CTNNA3: variants seen among roughly 807,000 people sequenced by gnomAD.
CTNNA3 encodes catenin alpha 3.
A neutral mutation model predicts 95.7 loss-of-function variants in CTNNA3; 76 were observed. The observed-to-expected ratio is 0.79, with a 90% CI of 0.66 to 0.96. CTNNA3 has a LOEUF of 0.96. Among genes scored for constraint, CTNNA3 ranks in the 40% least tolerant of loss-of-function variants. The pLI, the probability that CTNNA3 is intolerant of heterozygous loss-of-function variation, is 0.00. For missense variants in CTNNA3, 1,191 were observed against 1,089.8 expected, an observed-to-expected ratio of 1.09 and a Z score of -1.31; for synonymous variants, 431 against 374.4, an observed-to-expected ratio of 1.15 and a Z score of -1.74.
chr10:67,329,419 T>TA (rs1338948272), intron 5 of CTNNA3, among the ~76,000 whole-genome samples: 3 of 152,178 alleles, frequency 2.0e-5, no homozygotes, highest in African/African-American at 4.8e-5. Context: ...GTAACATACT[T>TA]AAAGTACATT....
intron 5 of CTNNA3, among the ~76,000 whole-genome samples, chr10:67,389,585 C>A (rs1247085859): frequency 1.3e-5 from 2 of 150,492 alleles, no homozygotes; most frequent in Non-Finnish European, 3.0e-5. Flanking sequence ...GAACTCTCCA[C>A]CCCAAATCAA....
chr10:66,190,974 T>C (rs2086636106), intron 13 of CTNNA3, among the ~76,000 whole-genome samples: 1 of 152,108 alleles, frequency 6.6e-6, no homozygotes. Context: ...CTGAGGAAGA[T>C]GATCATTAAT....
intron 6 of CTNNA3, among the ~76,000 whole-genome samples, chr10:67,192,129 T>C (rs966797820): frequency 6.6e-6 from 1 of 151,998 alleles, no homozygotes; most frequent in Non-Finnish European, 1.5e-5. Context: ...ACTGTAAAAC[T>C]CCTAGAAGAA....
intron 5 of CTNNA3, among the ~76,000 whole-genome samples, chr10:67,321,098 C>A (rs1384670596): frequency 6.6e-6 from 1 of 152,172 alleles, no homozygotes; most frequent in Non-Finnish European, 1.5e-5. Flanking sequence ...TGTGGCCCAA[C>A]ACTAACTGCA....
At chr10:67,431,911 G>A (rs1846123059) in intron 5 of CTNNA3, among the ~76,000 whole-genome samples, 2 of 152,034 alleles carry the variant, frequency 1.3e-5, no homozygotes, top group Non-Finnish European at 2.9e-5. Context: ...CTCCTCCAGT[G>A]TTCGTATTCC....
chr10:66,702,013 G>A (rs1290404417), intron 9 of CTNNA3, among the ~76,000 whole-genome samples: 1 of 152,102 alleles, frequency 6.6e-6, no homozygotes, highest in Non-Finnish European at 1.5e-5. Flanking sequence ...TGAGCCATCT[G>A]TGGTTGTTTG....
Position 67,134,041 on chromosome 10 carries a change from C to G in CTNNA3, c.1047+46276G>C, listed in dbSNP as rs1005237704. Among the ~76,000 whole-genome samples, 29 of 151,950 alleles carry G rather than the reference C, an allele frequency of 1.9e-4. 1 individual carries two copies. The highest frequency in any genetic ancestry group is 7.0e-4 in the African/African-American group (29 of 41,380). On this transcript the variant is annotated intron_variant, in intron 7 of 17. Coordinates refer to ENST00000433211, the MANE Select transcript of CTNNA3 (RefSeq NM_013266.4). Reference sequence around the variant, plus strand: ...GTATGAGTCAAGTTACATGATTTGCCCAATGTTACACAGTTAGTCAGTAGC... The same window carrying G: ...GTATGAGTCAAGTTACATGATTTGCGCAATGTTACACAGTTAGTCAGTAGC...
intron 11 of CTNNA3, among the ~76,000 whole-genome samples, chr10:66,385,635 C>G (rs1007306805): frequency 2.6e-5 from 4 of 151,832 alleles, no homozygotes; most frequent in Non-Finnish European, 5.9e-5. Flanking sequence ...AGAGACACAA[C>G]AAAAAAAGAG....
intron 2 of CTNNA3, among the ~76,000 whole-genome samples, chr10:67,607,286 C>T (rs1376466417): frequency 2.6e-5 from 4 of 152,134 alleles, no homozygotes; most frequent in African/African-American, 9.7e-5. Context: ...TCAATTAACA[C>T]AGATTTTGTA....
chr10:65,931,574 A>G (rs1379509464), intron 17 of CTNNA3, among the ~76,000 whole-genome samples: 1 of 152,194 alleles, frequency 6.6e-6, no homozygotes, highest in Non-Finnish European at 1.5e-5. Flanking sequence ...CCTGAGGAAA[A>G]CAATTAAAGT....
intron 11 of CTNNA3, among the ~76,000 whole-genome samples, chr10:66,402,783 T>C (rs2093030388): frequency 6.6e-6 from 1 of 152,182 alleles, no homozygotes; most frequent in African/African-American, 2.4e-5. Flanking sequence ...TAGAAACTTA[T>C]GGTAACATCT....
At chr10:66,789,537 C>T (rs1274391195) in intron 7 of CTNNA3, among the ~76,000 whole-genome samples, 1 of 152,004 alleles carries the variant, frequency 6.6e-6, no homozygotes, top group African/African-American at 2.4e-5. Flanking sequence ...TCTAAATTCA[C>T]GAAAATTTAC....
At chr10:67,359,907 T>C (rs1455487729) in intron 5 of CTNNA3, among the ~76,000 whole-genome samples, 1 of 152,050 alleles carries the variant, frequency 6.6e-6, no homozygotes, top group East Asian at 1.9e-4. Flanking sequence ...TAATCAGACT[T>C]TTCTAAGTCA....
At chr10:67,332,279 C>A (rs1841824092) in intron 5 of CTNNA3, among the ~76,000 whole-genome samples, 1 of 152,042 alleles carries the variant, frequency 6.6e-6, no homozygotes, top group African/African-American at 2.4e-5. Flanking sequence ...AACAAAAGGG[C>A]ATTTTCCTAT....
At chr10:67,586,187 T>C (rs1025381843) in intron 3 of CTNNA3, among the ~76,000 whole-genome samples, 2 of 152,156 alleles carry the variant, frequency 1.3e-5, no homozygotes, top group African/African-American at 2.4e-5. Context: ...TCTGAGAAGA[T>C]ACTTGATATG....
At chr10:67,648,836 C>T in intron 1 of CTNNA3, 7 of 1,256,800 alleles carry the variant, frequency 5.6e-6, no homozygotes, top group Non-Finnish European at 7.3e-6. Context: ...AAGAGACACG[C>T]TTCAAGAAAG....
chr10:66,505,815 T>C (rs1306477067), intron 11 of CTNNA3, among the ~76,000 whole-genome samples: 1 of 152,190 alleles, frequency 6.6e-6, no homozygotes, highest in Non-Finnish European at 1.5e-5. Flanking sequence ...GAAGTTGGCG[T>C]CTGGAGATGG....
intron 7 of CTNNA3, among the ~76,000 whole-genome samples, chr10:67,072,619 T>A (rs894433164): frequency 2.0e-5 from 3 of 152,166 alleles, no homozygotes; most frequent in African/African-American, 7.2e-5. Context: ...TGGAATGTAG[T>A]CTTCCCCTTG....
intron 1 of CTNNA3, among the ~76,000 whole-genome samples, chr10:67,714,468 T>G (rs538270877): frequency 6.6e-6 from 1 of 152,330 alleles, no homozygotes; most frequent in Non-Finnish European, 1.5e-5. Flanking sequence ...TTTCTCCCAT[T>G]TGGAATGGCT....
Sources: gnomAD v4.1 joint callset for allele counts (sites outside exome capture counted in the v4.1 genomes callset) on GRCh38, gnomAD v4.1.1 for gene constraint, MANE v1.5 for transcripts, NCBI Gene and HGNC (gene_info 2026-07-23, HGNC 2026-07-21) for gene names.